Variants in CHD6 observed in about 807,000 individuals in gnomAD.
CHD6 encodes chromodomain helicase DNA binding protein 6, also known as ATP-dependent chromatin remodeler CHD6.
CHD6 carries 50 observed loss-of-function variants against 276.9 expected under a neutral mutation model. The ratio of observed to expected loss-of-function variants is 0.18; its 90% confidence interval spans 0.14 to 0.23. CHD6 has a LOEUF of 0.23. Ranked by LOEUF, CHD6 falls within the 10% of genes least tolerant of loss-of-function variation. The pLI, the probability that CHD6 is intolerant of heterozygous loss-of-function variation, is 1.00. For missense variants in CHD6, 2,564 were observed against 3,365.8 expected (o/e 0.76, Z 5.89); for synonymous variants, 1,173 against 1,229.3 (o/e 0.95, Z 0.96).
At chr20:41,612,636 G>A (rs1038218960) in intron 1 of CHD6, among the ~76,000 whole-genome samples, 1 of 152,074 alleles carries the variant, frequency 6.6e-6, no homozygotes, top group East Asian at 1.9e-4. Flanking sequence ...AATTCTTTCC[G>A]TAAATAAAAT....
chr20:41,506,246 G>A (rs1044096437), intron 5 of CHD6, among the ~76,000 whole-genome samples: 3 of 151,996 alleles, frequency 2.0e-5, no homozygotes, highest in Non-Finnish European at 4.4e-5. Flanking sequence ...ATTATGCTCC[G>A]CTTACACTGC....
At chr20:41,459,468 CTG>C (rs1341247397) in intron 17 of CHD6, 1 of 152,282 alleles carries the variant, frequency 6.6e-6, no homozygotes, top group Non-Finnish European at 1.5e-5. Flanking sequence ...TACGATTTGG[CTG>C]TGTCACCATC....
chr20:41,444,759 T>A, intron 25 of CHD6, among the ~76,000 whole-genome samples: 1 of 152,178 alleles, frequency 6.6e-6, no homozygotes, highest in Non-Finnish European at 1.5e-5. Context: ...ACATTTAATG[T>A]AATATTTAAT....
intron 1 of CHD6, among the ~76,000 whole-genome samples, chr20:41,603,653 C>A (rs191452959): frequency 1.0e-3 from 159 of 152,134 alleles, no homozygotes; most frequent in Middle Eastern, 3.4e-3. Context: ...ATTGCCTGAG[C>A]TCAGGAGTTG....
chr20:41,441,108 G>T (rs1249419995), intron 25 of CHD6, among the ~76,000 whole-genome samples: 2 of 152,164 alleles, frequency 1.3e-5, no homozygotes, highest in African/African-American at 2.4e-5. Flanking sequence ...TACCTGGCAC[G>T]AGAAGCTCTG....
At chr20:41,448,649 C>T (rs1418518473) in intron 23 of CHD6, among the ~76,000 whole-genome samples, 3 of 152,158 alleles carry the variant, frequency 2.0e-5, no homozygotes, top group Non-Finnish European at 4.4e-5. Context: ...GCATCCCGGC[C>T]TGCAGAGTCA....
intron 1 of CHD6, among the ~76,000 whole-genome samples, chr20:41,579,893 T>A (rs2045518055): frequency 6.6e-6 from 1 of 152,214 alleles, no homozygotes; most frequent in South Asian, 2.1e-4. Context: ...AAAGAAATAA[T>A]CTTTAGTACA....
rs192784861 is a variant in CHD6 at position 41,442,331 on chromosome 20, A to G, written c.3878-2202T>C. ...GCCAGGCATGGTGGTGTGCACCTGTAGCCCCAGCTACTTGGGAGGCTGAGG... is the reference window on the plus strand; with the variant it reads ...GCCAGGCATGGTGGTGTGCACCTGTGGCCCCAGCTACTTGGGAGGCTGAGG... On this transcript the variant is annotated intron_variant, in intron 25 of 36. Coordinates refer to ENST00000373233, the MANE Select transcript of CHD6 (RefSeq NM_032221.5). 3.3e-5 allele frequency among the ~76,000 whole-genome samples: 5 copies of G among 152,150 alleles called. No individual in the cohort carries two copies. The East Asian group carries it at 9.6e-4, about 29-fold the overall frequency.
chr20:41,464,955 T>C (rs555150352), intron 17 of CHD6, among the ~76,000 whole-genome samples: 2 of 151,958 alleles, frequency 1.3e-5, no homozygotes, highest in African/African-American at 2.4e-5. Context: ...ACAAAATAAA[T>C]AGAGTAATGG....
chr20:41,496,595 T>C (rs1409830361), intron 8 of CHD6, among the ~76,000 whole-genome samples: 1 of 152,236 alleles, frequency 6.6e-6, no homozygotes, highest in African/African-American at 2.4e-5. Flanking sequence ...AACAAATATG[T>C]TGAATAGGTC....
chr20:41,461,506 C>T (rs886338406), intron 17 of CHD6, among the ~76,000 whole-genome samples: 1 of 152,140 alleles, frequency 6.6e-6, no homozygotes, highest in African/African-American at 2.4e-5. Context: ...ATCTGATGGG[C>T]TCATCAGGGG....
At chr20:41,537,342 C>T (rs749800551) in intron 2 of CHD6, among the ~76,000 whole-genome samples, 29 of 151,976 alleles carry the variant, frequency 1.9e-4, no homozygotes, top group Non-Finnish European at 2.8e-4. Context: ...TATTTAAAAA[C>T]AATATACTAC....
chr20:41,555,087 G>A lies in CHD6; in HGVS notation c.-23-3727C>T, dbSNP rs1283819843. Among the ~76,000 whole-genome samples, 21 of 147,622 alleles carry A rather than the reference G, an allele frequency of 1.4e-4. 1 individual carries two copies. The highest frequency in any genetic ancestry group is 5.3e-4 in the African/African-American group (21 of 39,882). On this transcript the variant is annotated intron_variant, in intron 1 of 36. Coordinates refer to ENST00000373233, the MANE Select transcript of CHD6 (RefSeq NM_032221.5). ...ATTCCCCCACCTCCCTCCTGGACGG[G>A]GCGGCTTGCCGGGCGGGGGGCTGAC...
At chr20:41,413,588 A>G in intron 34 of CHD6, 73 bp from the exon 35 acceptor site, 1 of 1,269,660 alleles carries the variant, frequency 7.9e-7, no homozygotes, top group Non-Finnish European at 1.1e-6. Context: ...GAAAACATGT[A>G]AGGTGTTATT....
At chr20:41,604,659 G>A (rs2045809194) in intron 1 of CHD6, among the ~76,000 whole-genome samples, 1 of 152,134 alleles carries the variant, frequency 6.6e-6, no homozygotes, top group Admixed American at 6.5e-5. Context: ...GAACAAACAC[G>A]TCTGCACTGG....
At chr20:41,502,560 A>C (rs910387925) in intron 5 of CHD6, among the ~76,000 whole-genome samples, 6 of 152,232 alleles carry the variant, frequency 3.9e-5, no homozygotes, top group Admixed American at 2.6e-4. Flanking sequence ...ACAAAGTCTT[A>C]CAGTTAAATC....
chr20:41,480,291 A>T (rs1356219165), intron 16 of CHD6, among the ~76,000 whole-genome samples: 1 of 152,220 alleles, frequency 6.6e-6, no homozygotes, highest in Admixed American at 6.5e-5. Flanking sequence ...AGGCCCCAGA[A>T]GGTATGGCCT....
chr20:41,461,508 C>T (rs1359639576), intron 17 of CHD6, among the ~76,000 whole-genome samples: 2 of 152,116 alleles, frequency 1.3e-5, no homozygotes, highest in Non-Finnish European at 2.9e-5. Flanking sequence ...CTGATGGGCT[C>T]ATCAGGGGTT....
chr20:41,586,445 T>A (rs2045595797), intron 1 of CHD6, among the ~76,000 whole-genome samples: 2 of 152,168 alleles, frequency 1.3e-5, no homozygotes, highest in African/African-American at 4.8e-5. Context: ...GTTCCACGGT[T>A]CTCTTCCGTG....
Sources: gnomAD v4.1 joint callset for allele counts (sites outside exome capture counted in the v4.1 genomes callset) on GRCh38, gnomAD v4.1.1 for gene constraint, MANE v1.5 for transcripts, NCBI Gene and HGNC (gene_info 2026-07-23, HGNC 2026-07-21) for gene names.